The following IQGAP2 variants were observed in gnomAD, a reference collection of about 807,000 sequenced individuals.
IQGAP2 encodes the protein ras GTPase-activating-like protein IQGAP2.
A neutral mutation model predicts 201.3 loss-of-function variants in IQGAP2; 173 were observed. That is an observed-to-expected ratio of 0.86 (90% CI 0.76 to 0.98). The LOEUF is 0.98. Among genes scored for constraint, IQGAP2 ranks in the 50% least tolerant of loss-of-function variants. The pLI is 0.00. For synonymous variants in IQGAP2, 675 were observed against 673.9 expected, an observed-to-expected ratio of 1.00 and a Z score of -0.03; for missense variants, 1,687 against 1,864.8, an observed-to-expected ratio of 0.90 and a Z score of 1.76.
At chr5:76,592,638 G>A (rs1198728893) in intron 8 of IQGAP2, among the ~76,000 whole-genome samples, 200 bp from the exon 9 acceptor site, 4 of 152,090 alleles carry the variant, frequency 2.6e-5, no homozygotes, top group Non-Finnish European at 4.4e-5. Flanking sequence ...AAGAGTCACC[G>A]GGTCTGTCAT....
At chr5:76,430,783 T>A (rs909685460) in intron 1 of IQGAP2, among the ~76,000 whole-genome samples, 1 of 152,192 alleles carries the variant, frequency 6.6e-6, no homozygotes, top group Non-Finnish European at 1.5e-5. Context: ...ATATCAAGAA[T>A]GAGTTAATTG....
chr5:76,640,966 C>T lies in IQGAP2; in HGVS notation c.1957C>T (p.Arg653Cys), dbSNP rs766715473. The T allele has an allele frequency of 6.2e-6, 10 of 1,600,678 alleles. No individual in the cohort carries two copies. The East Asian group carries it at 1.1e-4, about 18-fold the overall frequency. Residue 653 changes from arginine to cysteine, a missense_variant, in exon 17 of 36, where the codon CGT becomes TGT. Arg to Cys is a radical substitution (Grantham distance 180, BLOSUM62 -3). Coordinates refer to ENST00000274364, the MANE Select transcript of IQGAP2 (RefSeq NM_006633.5). ...TGAGGAAGTCACAGTAGGTTACATTCGTGAGAATATATGGTCTGCTTCAGA... is the reference window on the plus strand; with the variant it reads ...TGAGGAAGTCACAGTAGGTTACATTTGTGAGAATATATGGTCTGCTTCAGA... ...IIEEVTVGYIRENIWSASEEL... is the reference protein window; with the variant it reads ...IIEEVTVGYICENIWSASEEL...
chr5:76,626,518 C>T (rs978655717), intron 13 of IQGAP2, among the ~76,000 whole-genome samples: 2 of 152,012 alleles, frequency 1.3e-5, no homozygotes, highest in African/African-American at 4.8e-5. Context: ...TGGTCCACCA[C>T]CCTCAGCCTC....
chr5:76,429,644 G>GTA (rs201080549), intron 1 of IQGAP2, among the ~76,000 whole-genome samples: 1,518 of 141,486 alleles, frequency 0.011, 18 homozygotes, highest in African/African-American at 0.027. Context: ...ATACATATAT[G>GTA]TATATATATA....
intron 1 of IQGAP2, among the ~76,000 whole-genome samples, chr5:76,414,444 A>G (rs1229958728): frequency 6.6e-6 from 1 of 152,210 alleles, no homozygotes; most frequent in Non-Finnish European, 1.5e-5. Flanking sequence ...TATAGAGCTA[A>G]TACAAACATG....
intron 2 of IQGAP2, among the ~76,000 whole-genome samples, chr5:76,560,650 CT>C (rs943154842): frequency 6.6e-6 from 1 of 152,192 alleles, no homozygotes; most frequent in African/African-American, 2.4e-5. Context: ...TACTCCCAAA[CT>C]TTTTCTGATT....
intron 27 of IQGAP2, among the ~76,000 whole-genome samples, chr5:76,676,132 T>A (rs1744797827): frequency 6.7e-6 from 1 of 149,720 alleles, no homozygotes. Context: ...CAAAGTAATA[T>A]CCATTTCCCA....
chr5:76,478,432 A>C (rs1251315549), intron 2 of IQGAP2, among the ~76,000 whole-genome samples: 1 of 152,166 alleles, frequency 6.6e-6, no homozygotes, highest in Non-Finnish European at 1.5e-5. Flanking sequence ...CCCTAAGTGT[A>C]CGATGTTTAT....
At chr5:76,431,732 A>G (rs1752377785) in intron 1 of IQGAP2, among the ~76,000 whole-genome samples, 1 of 151,968 alleles carries the variant, frequency 6.6e-6, no homozygotes, top group Admixed American at 6.6e-5. Context: ...CTGAAGCAGA[A>G]AAATTGCTTG....
intron 2 of IQGAP2, among the ~76,000 whole-genome samples, chr5:76,488,045 A>C (rs773527506): frequency 2.0e-5 from 3 of 152,210 alleles, no homozygotes; most frequent in African/African-American, 7.2e-5. Context: ...GTGACCTTGA[A>C]TGATCACTGA....
intron 13 of IQGAP2, among the ~76,000 whole-genome samples, chr5:76,611,674 G>A (rs904025491): frequency 3.3e-5 from 5 of 152,200 alleles, no homozygotes; most frequent in East Asian, 1.9e-4. Context: ...ATTGATTCAC[G>A]GATGTTTGAG....
chr5:76,550,941 C>T (rs1743433516), intron 2 of IQGAP2, among the ~76,000 whole-genome samples: 1 of 146,872 alleles, frequency 6.8e-6, no homozygotes, highest in African/African-American at 2.6e-5. Context: ...GGCAGAGGCG[C>T]CCCTCACCTC....
At chr5:76,425,142 T>G (rs1349627363) in intron 1 of IQGAP2, among the ~76,000 whole-genome samples, 2 of 152,220 alleles carry the variant, frequency 1.3e-5, no homozygotes, top group Non-Finnish European at 2.9e-5. Flanking sequence ...TTTCTTGCTT[T>G]CTTTCCCTGC....
chr5:76,513,928 T>G (rs1038407913), intron 2 of IQGAP2, among the ~76,000 whole-genome samples: 4 of 151,840 alleles, frequency 2.6e-5, no homozygotes, highest in Non-Finnish European at 5.9e-5. Flanking sequence ...TTAATGGGCA[T>G]AGGTGAGGGG....
At chr5:76,408,578 T>C (rs548938916) in intron 1 of IQGAP2, among the ~76,000 whole-genome samples, 11 of 152,148 alleles carry the variant, frequency 7.2e-5, no homozygotes, top group Middle Eastern at 3.2e-3. Context: ...TAGTTTGTCA[T>C]GATTCTCTCA....
At chr5:76,523,089 T>G (rs1018452955) in intron 2 of IQGAP2, among the ~76,000 whole-genome samples, 16 of 144,890 alleles carry the variant, frequency 1.1e-4, no homozygotes, top group Non-Finnish European at 2.0e-4. Flanking sequence ...TTTTTTTTTT[T>G]TTTTTTTTTC....
chr5:76,685,058 C>T (rs1745617969), intron 30 of IQGAP2, among the ~76,000 whole-genome samples: 1 of 152,160 alleles, frequency 6.6e-6, no homozygotes, highest in South Asian at 2.1e-4. Context: ...GAAACAGCCC[C>T]TGTCTTACAG....
intron 29 of IQGAP2, among the ~76,000 whole-genome samples, 154 bp from the exon 30 acceptor site, chr5:76,683,622 A>T (rs1176686255): frequency 6.6e-6 from 1 of 152,242 alleles, no homozygotes. Context: ...TTTAAAAGCC[A>T]CTTTAGCTAT....
At chr5:76,616,576 A>T (rs2069689) in intron 13 of IQGAP2, 19 of 152,816 alleles carry the variant, frequency 1.2e-4, no homozygotes, top group African/African-American at 4.1e-4. Context: ...GGTGGCCTGG[A>T]CGTAGTGGCT....
Sources: allele counts gnomAD v4.1 joint callset (sites outside exome capture counted in the v4.1 genomes callset), GRCh38; gene constraint gnomAD v4.1.1; transcripts MANE v1.5; gene names NCBI Gene and HGNC (gene_info 2026-07-23, HGNC 2026-07-21).